TMEM108: variants seen among roughly 807,000 people sequenced by gnomAD.
The protein encoded by TMEM108 is cancer/testis antigen 124.
Under a neutral mutation model 35.1 loss-of-function variants are expected in TMEM108, and 12 were observed. The observed-to-expected ratio is 0.34, with a 90% CI of 0.22 to 0.55. The LOEUF (loss-of-function observed/expected upper bound fraction) is 0.55. Ranked by LOEUF, TMEM108 falls within the 20% of genes least tolerant of loss-of-function variation. The pLI, the probability that TMEM108 is intolerant of heterozygous loss-of-function variation, is 0.89. For synonymous variants in TMEM108, 287 were observed against 308.6 expected (o/e 0.93, Z 0.73); for missense variants, 680 against 753.3 (o/e 0.90, Z 1.14).
chr3:133,104,916 C>T (rs1263487815), intron 2 of TMEM108, among the ~76,000 whole-genome samples: 1 of 152,172 alleles, frequency 6.6e-6, no homozygotes, highest in African/African-American at 2.4e-5. Flanking sequence ...TCTGCCTGAA[C>T]TTACCTGGTG....
At position 133,113,878 on chromosome 3, in the gene TMEM108, T is replaced by C. The variant is rs570097051; in HGVS notation, c.-47+67858T>C. Among the ~76,000 whole-genome samples, 11 of 152,318 alleles carry C rather than the reference T, an allele frequency of 7.2e-5. No homozygotes were observed. The East Asian group carries it at 1.7e-3, about 24-fold the overall frequency. On this transcript the variant is annotated intron_variant, in intron 2 of 5. Coordinates refer to ENST00000321871, the MANE Select transcript of TMEM108 (RefSeq NM_023943.4). ...TGTTTGTTGATTTTCAGGATGTGGC[T>C]GCATGTACTGGACATTTCTCAGCAG...
intron 2 of TMEM108, among the ~76,000 whole-genome samples, chr3:133,156,229 A>G (rs1251823141): frequency 6.6e-6 from 1 of 152,160 alleles, no homozygotes; most frequent in Non-Finnish European, 1.5e-5. Flanking sequence ...TTACAAATCA[A>G]CTAAGACAAC....
At chr3:133,038,723 C>T (rs1488943750) in intron 1 of TMEM108, among the ~76,000 whole-genome samples, 1 of 152,174 alleles carries the variant, frequency 6.6e-6, no homozygotes, top group Admixed American at 6.5e-5. Context: ...TGAACCCCCT[C>T]CCCAGGTGGA....
intron 2 of TMEM108, among the ~76,000 whole-genome samples, chr3:133,206,259 G>A (rs1559868059): frequency 2.6e-5 from 4 of 152,240 alleles, no homozygotes; most frequent in East Asian, 3.9e-4. Flanking sequence ...CCTTTAGCTC[G>A]GAGGAGTTTG....
intron 3 of TMEM108, among the ~76,000 whole-genome samples, chr3:133,296,801 T>C (rs143140919): frequency 0.012 from 1,808 of 152,184 alleles, 39 homozygotes; most frequent in African/African-American, 0.042. Flanking sequence ...CTGTCAGAAA[T>C]TAGGTTAGAA....
At chr3:133,201,952 C>G (rs1402301258) in intron 2 of TMEM108, among the ~76,000 whole-genome samples, 2 of 152,204 alleles carry the variant, frequency 1.3e-5, no homozygotes, top group East Asian at 3.9e-4. Flanking sequence ...CACGTCCTCT[C>G]CAGCATCTGT....
intron 1 of TMEM108, among the ~76,000 whole-genome samples, chr3:133,040,202 G>GTTTTTTT (rs200928853): frequency 2.1e-4 from 25 of 119,674 alleles, no homozygotes; most frequent in South Asian, 1.3e-3. Context: ...TTGTTTGTTT[G>GTTTTTTT]TTTGTTTTTT....
intron 2 of TMEM108, among the ~76,000 whole-genome samples, chr3:133,073,164 G>A (rs147827143): frequency 6.6e-6 from 1 of 152,116 alleles, no homozygotes; most frequent in East Asian, 1.9e-4. Flanking sequence ...CAATTTTGAA[G>A]TATACAGTAC....
At position 133,080,138 on chromosome 3, in the gene TMEM108, G is replaced by A. The variant is rs145365107; in HGVS notation, c.-47+34118G>A. On this transcript the variant is annotated intron_variant, in intron 2 of 5. Coordinates refer to ENST00000321871, the MANE Select transcript of TMEM108 (RefSeq NM_023943.4). ...AAGCTTCCCTACACATGAAAAAGAA[G>A]CCTAGAGGAGAGCACAGATGGGGGA... Among the ~76,000 whole-genome samples, 1,193 of 152,284 alleles carry A rather than the reference G, an allele frequency of 7.8e-3. 20 individuals carry two copies. Among genetic ancestry groups the A allele is most frequent in the African/African-American group, 0.027 (1,106 of 41,552 alleles).
chr3:133,079,287 A>G (rs1943781450), intron 2 of TMEM108, among the ~76,000 whole-genome samples: 1 of 152,222 alleles, frequency 6.6e-6, no homozygotes, highest in Non-Finnish European at 1.5e-5. Flanking sequence ...ACAGAGTTAC[A>G]TAAATCCTCT....
chr3:133,282,684 CCTT>C lies in TMEM108; in HGVS notation c.40+53336_40+53338del, dbSNP rs1299318124. Among the ~76,000 whole-genome samples, 3 of 152,294 alleles carry C rather than the reference CCTT, an allele frequency of 2.0e-5. No individual in the cohort carries two copies. The East Asian group carries it at 5.8e-4, about 29-fold the overall frequency. ...ATTTGCCCATCATAATTTTATTTCTCCTTCTGTTTTTTGTAAAGTTAAAAATGT... is the reference window on the plus strand; with the variant it reads ...ATTTGCCCATCATAATTTTATTTCTCCTGTTTTTTGTAAAGTTAAAAATGT... On this transcript the variant is annotated intron_variant, in intron 3 of 5. Coordinates refer to ENST00000321871, the MANE Select transcript of TMEM108 (RefSeq NM_023943.4).
intron 2 of TMEM108, among the ~76,000 whole-genome samples, chr3:133,105,240 T>C (rs1183482604): frequency 1.3e-5 from 2 of 152,190 alleles, no homozygotes; most frequent in African/African-American, 2.4e-5. Flanking sequence ...ATTGTGGGAC[T>C]GAGATCTGTT....
chr3:133,328,330 G>GA (rs940624561), intron 3 of TMEM108, among the ~76,000 whole-genome samples: 4 of 152,108 alleles, frequency 2.6e-5, no homozygotes, highest in African/African-American at 9.7e-5. Context: ...GGTATCGTTG[G>GA]AAAAAAACTC....
rs1307326942 is a variant in TMEM108 at position 133,390,299 on chromosome 3, C to A, written c.1570C>A (p.Leu524Met). ...CTACTTCAACAGGCATGCTGTGGAG[C>A]TGCCCAGGGAGATCCAGTCCCTTGA... Reference protein sequence around the residue: ...MDYFNRHAVELPREIQSLETS... With the variant: ...MDYFNRHAVEMPREIQSLETS... Residue 524 changes from leucine (L) to methionine (M), a missense_variant, in exon 5 of 6, where the codon CTG becomes ATG. Physicochemically the swap from Leu to Met is conservative, Grantham distance 15. Around this residue, in one of 3 missense-constraint regions of TMEM108, gnomAD observed 105 missense variants for 150.7 expected, o/e 0.70. Transcript: ENST00000321871. The A allele has an allele frequency of 6.2e-7, 1 of 1,614,208 alleles. No individual in the cohort carries two copies. Among genetic ancestry groups the A allele is most frequent in the South Asian group, 1.1e-5 (1 of 91,080 alleles).
chr3:133,099,929 C>T (rs1944065760), intron 2 of TMEM108, among the ~76,000 whole-genome samples: 6 of 152,222 alleles, frequency 3.9e-5, no homozygotes, highest in South Asian at 2.1e-4. Flanking sequence ...TACCCAGTTC[C>T]AAAGTCGCTT....
intron 2 of TMEM108, among the ~76,000 whole-genome samples, chr3:133,124,380 T>C (rs1189609156): frequency 2.6e-5 from 4 of 152,232 alleles, no homozygotes; most frequent in African/African-American, 4.8e-5. Flanking sequence ...ACTTTTCTTA[T>C]AGCTGAAGAT....
intron 1 of TMEM108, among the ~76,000 whole-genome samples, chr3:133,040,202 G>GTTTTTT (rs200928853): frequency 3.3e-5 from 4 of 119,680 alleles, no homozygotes; most frequent in Admixed American, 9.5e-5. Flanking sequence ...TTGTTTGTTT[G>GTTTTTT]TTTGTTTTTT....
At chr3:133,129,555 G>C (rs967399838) in intron 2 of TMEM108, among the ~76,000 whole-genome samples, 1 of 152,160 alleles carries the variant, frequency 6.6e-6, no homozygotes, top group Non-Finnish European at 1.5e-5. Context: ...TCACGGACAG[G>C]AAGCAGAGCC....
intron 4 of TMEM108, chr3:133,388,603 A>G (rs576294378): frequency 1.0e-6 from 1 of 985,278 alleles, no homozygotes; most frequent in Non-Finnish European, 1.2e-6. Context: ...AAGATTTTTT[A>G]AAAAGGATCT....
Sources: allele counts gnomAD v4.1 joint callset (sites outside exome capture counted in the v4.1 genomes callset), GRCh38; gene constraint gnomAD v4.1.1; regional missense constraint gnomAD v4.1.1; transcripts MANE v1.5; gene names NCBI Gene and HGNC (gene_info 2026-07-23, HGNC 2026-07-21).